MROH2B: variants seen among roughly 807,000 people sequenced by gnomAD.
MROH2B encodes the protein maestro heat-like repeat-containing protein family member 2B.
Under a neutral mutation model 208.6 loss-of-function variants are expected in MROH2B, and 177 were observed. The ratio of observed to expected loss-of-function variants is 0.85; its 90% confidence interval spans 0.75 to 0.96. The LOEUF is 0.96. Among genes scored for constraint, MROH2B ranks in the 40% least tolerant of loss-of-function variants. The pLI, the probability that MROH2B is intolerant of heterozygous loss-of-function variation, is 0.00. For synonymous variants in MROH2B, 728 were observed against 659.0 expected (o/e 1.10, Z -1.60); for missense variants, 2,002 against 1,878.7 (o/e 1.07, Z -1.21).
At chr5:41,027,772 A>C (rs1249145869) in intron 24 of MROH2B, among the ~76,000 whole-genome samples, 1 of 152,228 alleles carries the variant, frequency 6.6e-6, no homozygotes, top group East Asian at 1.9e-4. Flanking sequence ...ACAATAGCAA[A>C]GACTTGGAAC....
intron 32 of MROH2B, 22 bp downstream of exon 32, chr5:41,009,258 G>A (rs1018051171): frequency 6.2e-7 from 1 of 1,612,654 alleles, no homozygotes; most frequent in Non-Finnish European, 8.5e-7. Context: ...GGCAAGTGAT[G>A]GGTTCAGGCT....
At chr5:41,028,987 C>A (rs1742474929) in intron 24 of MROH2B, among the ~76,000 whole-genome samples, 1 of 152,032 alleles carries the variant, frequency 6.6e-6, no homozygotes, top group South Asian at 2.1e-4. Flanking sequence ...TGGGTATATA[C>A]ACAGAAGATA....
intron 11 of MROH2B, 102 bp downstream of exon 11, chr5:41,054,665 G>C (rs1743388795): frequency 2.4e-6 from 2 of 829,110 alleles, no homozygotes; most frequent in Non-Finnish European, 1.8e-6. Flanking sequence ...TGACCACAGA[G>C]TTCTTTATAA....
intron 6 of MROH2B, among the ~76,000 whole-genome samples, chr5:41,060,295 A>C (rs933831305): frequency 6.6e-6 from 1 of 151,930 alleles, no homozygotes; most frequent in Non-Finnish European, 1.5e-5. Context: ...ATACCCCTCT[A>C]TTGTTAATGT....
chr5:41,063,150 A>G lies in MROH2B; in HGVS notation c.460+1322T>C, dbSNP rs75505785. Reference sequence around the variant, plus strand: ...AATTCCCTTAGTAATGTTCATGAGGATTTCTAGTTTTATTTAATTTTACAT... The same window carrying G: ...AATTCCCTTAGTAATGTTCATGAGGGTTTCTAGTTTTATTTAATTTTACAT... On this transcript the variant is annotated intron_variant, in intron 5 of 41. Coordinates refer to ENST00000399564, the MANE Select transcript of MROH2B (RefSeq NM_173489.5). Among the ~76,000 whole-genome samples the G allele has an allele frequency of 1.4e-3, 220 of 152,298 alleles. 6 individuals are homozygous for G. The East Asian group carries it at 0.038, about 26-fold the overall frequency.
At position 41,039,525 on chromosome 5, in the gene MROH2B, C is replaced by T. The variant is rs747143802; in HGVS notation, c.1984G>A (p.Glu662Lys). The T allele has an allele frequency of 2.7e-5, 43 of 1,605,452 alleles. No individual in the cohort carries two copies. The highest frequency in any genetic ancestry group is 1.0e-4 in the Admixed American group (6 of 59,074). Residue 662 changes from glutamate to lysine, a missense_variant, in exon 20 of 42, where the codon GAG becomes AAG. By Grantham distance (56) the Glu-to-Lys change is moderately conservative. Coordinates refer to ENST00000399564, the MANE Select transcript of MROH2B (RefSeq NM_173489.5). ...GITSILGYCA[E>K]NHLDIVLKVL... ...TTTAAAACAATATCCAAATGGTTCT[C>T]GGCACAGTATCCTAAAATAGATGTT...
At position 41,009,347 on chromosome 5, in the gene MROH2B, A is replaced by C. The variant is rs551790055; in HGVS notation, c.3353T>G (p.Leu1118Trp). ...CTCCAGTTTGTCTATTAAGGCTTGC[A>C]AGAGTTTCCCACTGGAGGCTGGCTT... is the stretch of plus-strand genomic sequence containing the variant. ...AEKPASSGKL[L>W]QALIDKLETE... The change falls in exon 32 of 42, where the codon TTG becomes TGG. Residue 1118 changes from leucine to tryptophan, a missense_variant. Transcript: ENST00000399564. 1.2e-6 allele frequency: 2 copies of C among 1,613,896 alleles called. No individual in the cohort carries two copies. The highest frequency in any genetic ancestry group is 1.1e-5 in the South Asian group (1 of 91,084).
At chr5:41,024,522 A>C (rs1742280407) in intron 24 of MROH2B, among the ~76,000 whole-genome samples, 1 of 152,116 alleles carries the variant, frequency 6.6e-6, no homozygotes, top group South Asian at 2.1e-4. Context: ...CAGGAGCACC[A>C]AGATTCATAA....
intron 24 of MROH2B, among the ~76,000 whole-genome samples, chr5:41,031,497 A>T (rs964473330): frequency 1.4e-4 from 22 of 152,060 alleles, no homozygotes; most frequent in Admixed American, 9.8e-4. Flanking sequence ...AATGCTGGCA[A>T]TGGGGGCACT....
At chr5:41,014,822 G>T in intron 29 of MROH2B, among the ~76,000 whole-genome samples, 1 of 151,948 alleles carries the variant, frequency 6.6e-6, no homozygotes, top group East Asian at 1.9e-4. Flanking sequence ...TCCCTTTCTT[G>T]ACTTTATTTT....
chr5:41,000,663 G>A lies in MROH2B; in HGVS notation c.4350+15C>T. 1 of 1,604,240 alleles carries A rather than the reference G, an allele frequency of 6.2e-7. No individual in the cohort carries two copies. The stretch of plus-strand genomic sequence containing the variant: ...GGGAGAGCAGGAGGTGCAGGTGTCT[G>A]TGGAGAGCACTTACAACTCCAATCT... On this transcript the variant is annotated intron_variant, in intron 38 of 41. Coordinates refer to ENST00000399564, the MANE Select transcript of MROH2B (RefSeq NM_173489.5).
intron 5 of MROH2B, among the ~76,000 whole-genome samples, chr5:41,064,002 T>A: frequency 6.6e-6 from 1 of 152,220 alleles, no homozygotes; most frequent in East Asian, 1.9e-4. Context: ...ATTATTACAA[T>A]ATTACATTAT....
Position 41,033,990 on chromosome 5 carries a change from A to AG in MROH2B, c.2215-127dup, listed in dbSNP as rs1195831434. 2.6e-6 allele frequency: 3 copies of AG among 1,148,642 alleles called. No homozygotes were observed. The African/African-American group carries it at 5.0e-5, about 19-fold the overall frequency. The allele number at this position is 1,148,642 out of a possible 1,614,324, so 71.2% of individuals were successfully genotyped here. A position where few individuals can be genotyped will look rare whatever the true frequency, so the allele number is the denominator to read the frequency against. ...TAAAGCAGGAGGTAGAGCCTTGCCA[A>AG]GGGGGGTCTTGCCAAGGGGAGGGGG... On this transcript the variant is annotated intron_variant, in intron 21 of 41. Coordinates refer to ENST00000399564, the MANE Select transcript of MROH2B (RefSeq NM_173489.5).
In MROH2B at chr5:41,048,395, G is replaced by A. The variant is rs1561299685; in HGVS notation, c.1613C>T (p.Pro538Leu). The change falls in exon 16 of 42, where the codon CCT becomes CTT. Residue 538 changes from proline to leucine, a missense_variant. Transcript: ENST00000399564. Reference protein sequence around the residue: ...AGAIGLLKILPEIIHPKLVDL... With the variant: ...AGAIGLLKILLEIIHPKLVDL... ...TACCAATTTTGGGTGAATTATCTCA[G>A]GCAGTATCTTCAAAAGCCCTATTGC... 2 of 1,613,544 alleles carry A rather than the reference G, an allele frequency of 1.2e-6. No individual in the cohort carries two copies. The highest frequency in any genetic ancestry group is 1.7e-5 in the Admixed American group (1 of 59,950).
rs541558933 is a variant in MROH2B, at chr5:41,018,096, C to G, written c.2764-126G>C. 4.5e-6 allele frequency: 6 copies of G among 1,328,326 alleles called. No homozygotes were observed. In the South Asian group the frequency reaches 9.3e-5, roughly 21 times the overall value. The allele number at this position is 1,328,326 out of a possible 1,614,324, so 82.3% of individuals were successfully genotyped here. On this transcript the variant is annotated intron_variant, in intron 27 of 41. Transcript: ENST00000399564. ...GTCCTTAGAATGAAATTTGATCTTGCACTTTCTCCTAAAAGATGCCTATTT... is the reference window on the plus strand; with the variant it reads ...GTCCTTAGAATGAAATTTGATCTTGGACTTTCTCCTAAAAGATGCCTATTT...
At position 41,017,941 on chromosome 5, in the gene MROH2B, C is replaced by T; in HGVS notation, c.2793G>A (p.Leu931=). The change falls in exon 28 of 42, where the codon CTG becomes CTA. Residue 931 remains leucine, a synonymous_variant. Transcript: ENST00000399564. ...EAPENFKIGS[L]LGLLAPHSCD... is the part of the protein sequence containing the mutation. ...AGGAGTGAGGAGCCAGAAGTCCAAG[C>T]AGTGAACCAATTTTAAAGTTCTCTG... is the stretch of plus-strand genomic sequence containing the variant. 6.3e-7 allele frequency: 1 copy of T among 1,579,230 alleles called. No homozygotes were observed. Among genetic ancestry groups the T allele is most frequent in the South Asian group, 1.2e-5 (1 of 86,180 alleles).
intron 24 of MROH2B, among the ~76,000 whole-genome samples, chr5:41,022,347 A>G (rs145137851): frequency 9.2e-5 from 14 of 152,172 alleles, no homozygotes; most frequent in Non-Finnish European, 1.8e-4. Context: ...GGTCACTCCT[A>G]CCCTCATACT....
At chr5:41,027,748 T>C (rs1447318200) in intron 24 of MROH2B, among the ~76,000 whole-genome samples, 2 of 152,216 alleles carry the variant, frequency 1.3e-5, no homozygotes, top group African/African-American at 2.4e-5. Flanking sequence ...CGTATGTTTA[T>C]TGTGGCACTA....
At chr5:41,004,621 T>C in intron 36 of MROH2B, 93 bp from the exon 37 acceptor site, 1 of 1,511,344 alleles carries the variant, frequency 6.6e-7, no homozygotes, top group Admixed American at 2.3e-5. Context: ...TGAAATTTTG[T>C]CAGGGTCACA....
Sources: gnomAD v4.1 joint callset for allele counts (sites outside exome capture counted in the v4.1 genomes callset) on GRCh38, gnomAD v4.1.1 for gene constraint, MANE v1.5 for transcripts, NCBI Gene and HGNC (gene_info 2026-07-23, HGNC 2026-07-21) for gene names.